The following DCC variants were observed in gnomAD, a reference collection of about 807,000 sequenced individuals.
The protein encoded by DCC is DCC netrin 1 receptor, also known as netrin receptor DCC.
DCC carries 58 observed loss-of-function variants against 172.5 expected under a neutral mutation model. That is an observed-to-expected ratio of 0.34 (90% confidence interval 0.27 to 0.42). The LOEUF (loss-of-function observed/expected upper bound fraction) is 0.42, where lower values mean the gene tolerates loss of function less well. Ranked by LOEUF, DCC falls within the 10% of genes least tolerant of loss-of-function variation. The pLI is 1.00. For missense variants in DCC, 1,740 were observed against 1,791.0 expected, an observed-to-expected ratio of 0.97 and a Z score of 0.51; for synonymous variants, 709 against 644.5, an observed-to-expected ratio of 1.10 and a Z score of -1.52.
intron 2 of DCC, among the ~76,000 whole-genome samples, chr18:52,865,160 C>T (rs1052614330): frequency 6.6e-5 from 10 of 152,020 alleles, no homozygotes; most frequent in Non-Finnish European, 1.3e-4. Context: ...CCACCACACC[C>T]GCCTGAACTC....
intron 19 of DCC, among the ~76,000 whole-genome samples, chr18:53,409,568 T>C (rs777899087): frequency 2.0e-5 from 3 of 152,188 alleles, no homozygotes; most frequent in Non-Finnish European, 2.9e-5. Context: ...TGTTGATTAA[T>C]GTTTTTAAAT....
intron 1 of DCC, among the ~76,000 whole-genome samples, chr18:52,447,986 A>C (rs1988177747): frequency 6.6e-6 from 1 of 152,074 alleles, no homozygotes; most frequent in Non-Finnish European, 1.5e-5. Flanking sequence ...ATATCAGGAG[A>C]GTATTGGAGT....
intron 3 of DCC, among the ~76,000 whole-genome samples, chr18:52,914,101 T>C (rs542572284): frequency 2.6e-5 from 4 of 152,126 alleles, no homozygotes; most frequent in Non-Finnish European, 5.9e-5. Context: ...GCTTTATGCA[T>C]GTATCTATAC....
At chr18:53,114,765 A>T (rs2043386762) in intron 7 of DCC, among the ~76,000 whole-genome samples, 1 of 151,610 alleles carries the variant, frequency 6.6e-6, no homozygotes, top group Admixed American at 6.6e-5. Flanking sequence ...AGGGCTATAG[A>T]TTTCTGTGGG....
chr18:53,357,718 T>C (rs2144922641), intron 15 of DCC, among the ~76,000 whole-genome samples: 1 of 152,264 alleles, frequency 6.6e-6, no homozygotes, highest in South Asian at 2.1e-4. Context: ...TAAATGAAAT[T>C]AGAAAGGAGG....
At chr18:52,722,190 T>C (rs896541467) in intron 1 of DCC, among the ~76,000 whole-genome samples, 4 of 152,150 alleles carry the variant, frequency 2.6e-5, no homozygotes, top group African/African-American at 9.7e-5. Context: ...TCCAGTCTAC[T>C]CCCCCTCCCA....
At chr18:53,325,217 A>AAAG (rs1473065221) in intron 14 of DCC, among the ~76,000 whole-genome samples, 23 of 151,432 alleles carry the variant, frequency 1.5e-4, no homozygotes, top group Non-Finnish European at 2.9e-4. Flanking sequence ...AAAAAAAAAA[A>AAAG]AGTTTTATGC....
intron 12 of DCC, among the ~76,000 whole-genome samples, chr18:53,249,305 C>T (rs1021584588): frequency 6.6e-6 from 1 of 151,704 alleles, no homozygotes; most frequent in African/African-American, 2.4e-5. Context: ...AATAAATTGC[C>T]AATGTATGTG....
chr18:53,424,283 T>G (rs1910784774), intron 21 of DCC, among the ~76,000 whole-genome samples: 1 of 152,138 alleles, frequency 6.6e-6, no homozygotes, highest in South Asian at 2.1e-4. Flanking sequence ...GTTAAAATTG[T>G]GGCTATGAAG....
rs1439829299 is a variant in DCC, at chr18:53,047,462, T to C, written c.986-15843T>C. On this transcript the variant is annotated intron_variant, in intron 5 of 28. Coordinates refer to ENST00000442544, the MANE Select transcript of DCC (RefSeq NM_005215.4). ...ATATATATATATATATATATATATATACCATTTTTGCTATTGAGGAATCTT... is the reference window on the plus strand; with the variant it reads ...ATATATATATATATATATATATATACACCATTTTTGCTATTGAGGAATCTT... Among the ~76,000 whole-genome samples the C allele has an allele frequency of 1.8e-3, 161 of 88,668 alleles. 2 individuals are homozygous for C. Among genetic ancestry groups the C allele is most frequent in the African/African-American group, 6.3e-3 (137 of 21,848 alleles). The allele number at this position is 88,668 out of a possible 152,430, so 58.2% of individuals were successfully genotyped here. A position where few individuals can be genotyped will look rare whatever the true frequency, so the allele number is the denominator to read the frequency against.
intron 13 of DCC, among the ~76,000 whole-genome samples, chr18:53,314,493 A>G (rs2057321398): frequency 6.6e-6 from 1 of 152,222 alleles, no homozygotes; most frequent in African/African-American, 2.4e-5. Flanking sequence ...CTAAAAAGCA[A>G]AACTTGAAGG....
intron 8 of DCC, among the ~76,000 whole-genome samples, chr18:53,160,030 AGGGAAGGAGAAG>A (rs1250845646): frequency 6.6e-6 from 1 of 152,156 alleles, no homozygotes. Flanking sequence ...AGGAAGAGAA[AGGGAAGGAGAAG>A]GGGAAGGAGA....
At chr18:52,781,423 A>G (rs1412941496) in intron 2 of DCC, among the ~76,000 whole-genome samples, 1 of 152,114 alleles carries the variant, frequency 6.6e-6, no homozygotes, top group Non-Finnish European at 1.5e-5. Flanking sequence ...GAGCTTGATT[A>G]CAAGTCATCA....
At chr18:52,669,497 G>C (rs552746824) in intron 1 of DCC, among the ~76,000 whole-genome samples, 1 of 152,294 alleles carries the variant, frequency 6.6e-6, no homozygotes, top group East Asian at 1.9e-4. Flanking sequence ...AAGGAACAAG[G>C]ACAGCTTAAA....
chr18:52,803,367 G>A (rs957442771), intron 2 of DCC, among the ~76,000 whole-genome samples: 3 of 152,094 alleles, frequency 2.0e-5, no homozygotes, highest in African/African-American at 7.2e-5. Flanking sequence ...CAGTAACAAT[G>A]GGAGGTGGCT....
At position 53,103,589 on chromosome 18, in the gene DCC, A is replaced by G. The variant is rs546894377; in HGVS notation, c.1261+37423A>G. Among the ~76,000 whole-genome samples, 9 of 152,144 alleles carry G rather than the reference A, an allele frequency of 5.9e-5. No homozygotes were observed. The East Asian group carries it at 1.2e-3, about 20-fold the overall frequency. On this transcript the variant is annotated intron_variant, in intron 7 of 28. Transcript: ENST00000442544. ...TAATGTGCTATGACTCTCAATGAAA[A>G]TTTAAAGCCAATAGTTGTCATTTGT...
At chr18:53,159,260 CCTT>C (rs1361165932) in intron 8 of DCC, among the ~76,000 whole-genome samples, 1 of 152,068 alleles carries the variant, frequency 6.6e-6, no homozygotes, top group Non-Finnish European at 1.5e-5. Flanking sequence ...ACTTTCTCCT[CCTT>C]ATGTATATTT....
chr18:52,529,128 G>A (rs2032071129), intron 1 of DCC, among the ~76,000 whole-genome samples: 1 of 152,100 alleles, frequency 6.6e-6, no homozygotes, highest in Admixed American at 6.5e-5. Context: ...TAAGAGAAAA[G>A]AAGACATGGT....
At chr18:53,272,839 A>G (rs1166408502) in intron 12 of DCC, among the ~76,000 whole-genome samples, 1 of 152,178 alleles carries the variant, frequency 6.6e-6, no homozygotes, top group Non-Finnish European at 1.5e-5. Context: ...ATTGTTTCGG[A>G]AAAAGCTGTT....
Sources: allele counts gnomAD v4.1 joint callset (sites outside exome capture counted in the v4.1 genomes callset), GRCh38; gene constraint gnomAD v4.1.1; transcripts MANE v1.5; gene names NCBI Gene and HGNC (gene_info 2026-07-23, HGNC 2026-07-21).